The following RFPL1 variants were observed in gnomAD, a reference collection of about 807,000 sequenced individuals.
RFPL1 encodes ret finger protein like 1.
In RFPL1, 6 loss-of-function variants were observed where a neutral mutation model predicts 9.6. The ratio of observed to expected loss-of-function variants is 0.62; its 90% CI spans 0.34 to 1.23. The LOEUF (loss-of-function observed/expected upper bound fraction) is 1.23. Ranked by LOEUF, RFPL1 falls within the 50% of genes most tolerant of loss-of-function variation. The pLI is 0.03. For missense variants in RFPL1, 352 were observed against 398.4 expected (o/e 0.88, Z 0.99); for synonymous variants, 145 against 149.4 (o/e 0.97, Z 0.22).
At chr22:29,441,327 A>G in intron 1 of RFPL1, 1 of 568,972 alleles carries the variant, frequency 1.8e-6, no homozygotes, top group East Asian at 2.9e-5. Flanking sequence ...AAAGTAAAAT[A>G]ATTGCTACTG....
At chr22:29,428,333 T>C in the RFPL1 span, among the ~76,000 whole-genome samples, 1 of 152,138 alleles carries the variant, frequency 6.6e-6, no homozygotes, top group South Asian at 2.1e-4. Flanking sequence ...TAAATATATA[T>C]GCACCTAACT....
chr22:29,414,627 C>G, the RFPL1 span, among the ~76,000 whole-genome samples: 6 of 152,084 alleles, frequency 3.9e-5, no homozygotes, highest in South Asian at 1.2e-3. Context: ...GAGGAACTAT[C>G]TATCATCCTG....
chr22:29,398,347 G>T, the RFPL1 span, among the ~76,000 whole-genome samples: 1 of 152,248 alleles, frequency 6.6e-6, no homozygotes, highest in African/African-American at 2.4e-5. Flanking sequence ...TGGTGATGAT[G>T]ATGGCGGTGC....
chr22:29,438,870 G>T, exon 1 of RFPL1: 1 of 1,613,898 alleles, frequency 6.2e-7, no homozygotes, highest in South Asian at 1.1e-5. Context: ...TTTTCCCCTG[G>T]CAGTGGACAT....
the RFPL1 span, among the ~76,000 whole-genome samples, chr22:29,430,605 T>G: frequency 6.6e-6 from 1 of 152,140 alleles, no homozygotes; most frequent in Non-Finnish European, 1.5e-5. Context: ...AAACCAAACT[T>G]CTAAATGTGC....
the RFPL1 span, among the ~76,000 whole-genome samples, chr22:29,393,540 C>G: frequency 1.3e-5 from 2 of 152,196 alleles, no homozygotes; most frequent in Non-Finnish European, 2.9e-5. Flanking sequence ...GTCATCCACA[C>G]CATCAAATGC....
the RFPL1 span, among the ~76,000 whole-genome samples, chr22:29,393,809 C>T: frequency 3.3e-5 from 5 of 152,074 alleles, no homozygotes; most frequent in African/African-American, 1.2e-4. Context: ...GAGTCTCACT[C>T]TTTTTGCCCA....
the RFPL1 span, among the ~76,000 whole-genome samples, chr22:29,429,589 A>G: frequency 2.6e-5 from 4 of 152,238 alleles, no homozygotes; most frequent in Non-Finnish European, 5.9e-5. Flanking sequence ...TCCTGGGCAC[A>G]TATAACCTAC....
At chr22:29,438,620 A>G (rs2062820787) in exon 1 of RFPL1, 1 of 1,447,784 alleles carries the variant, frequency 6.9e-7, no homozygotes, top group South Asian at 1.5e-5. Context: ...CTGGGTCACC[A>G]GTAGAATGGA....
chr22:29,432,271 A>G, the RFPL1 span, among the ~76,000 whole-genome samples: 13 of 152,226 alleles, frequency 8.5e-5, no homozygotes, highest in Admixed American at 6.5e-5. Flanking sequence ...CTATGTCCAC[A>G]GTTCCCAGGA....
the RFPL1 span, among the ~76,000 whole-genome samples, chr22:29,430,009 A>G: frequency 1.4e-5 from 2 of 146,788 alleles, no homozygotes; most frequent in Admixed American, 1.4e-4. Flanking sequence ...TGAGGTTATC[A>G]GAAACAATGT....
intron 1 of RFPL1, chr22:29,441,230 A>G: frequency 2.6e-6 from 1 of 385,474 alleles, no homozygotes; most frequent in Non-Finnish European, 4.7e-6. Flanking sequence ...TCATGCATCA[A>G]GGTGGTAGAA....
chr22:29,426,877 C>T, the RFPL1 span, among the ~76,000 whole-genome samples: 2 of 152,160 alleles, frequency 1.3e-5, no homozygotes, highest in Admixed American at 1.3e-4. Flanking sequence ...AGTCTTGGGA[C>T]AGCACCCAGG....
chr22:29,395,531 A>G, the RFPL1 span, among the ~76,000 whole-genome samples: 7 of 151,694 alleles, frequency 4.6e-5, no homozygotes, highest in African/African-American at 1.7e-4. Context: ...TCCTTGCTGC[A>G]GATGTCCTCA....
At chr22:29,417,602 G>A in the RFPL1 span, among the ~76,000 whole-genome samples, 1 of 150,532 alleles carries the variant, frequency 6.6e-6, no homozygotes, top group Non-Finnish European at 1.5e-5. Flanking sequence ...CATAAACCAT[G>A]TGACTCTTAG....
the RFPL1 span, among the ~76,000 whole-genome samples, chr22:29,420,917 A>ACCGT: frequency 1.3e-5 from 2 of 152,100 alleles, no homozygotes; most frequent in Non-Finnish European, 2.9e-5. Flanking sequence ...CTGGGATTAC[A>ACCGT]GGCGTGATCC....
chr22:29,396,289 G>A, the RFPL1 span, among the ~76,000 whole-genome samples: 15,869 of 152,138 alleles, frequency 0.1, 1,849 homozygotes, highest in African/African-American at 0.29. Context: ...TCTCATGAGT[G>A]GATTAATGCC....
upstream of RFPL1, chr22:29,436,625 G>C (rs1473101392): frequency 1.3e-5 from 2 of 149,490 alleles, no homozygotes; most frequent in African/African-American, 4.9e-5. Flanking sequence ...AGAAAGAAAT[G>C]TTTAGAGTGT....
upstream of RFPL1, chr22:29,434,979 T>C (rs2146363409): frequency 6.6e-6 from 1 of 152,364 alleles, no homozygotes; most frequent in Middle Eastern, 3.4e-3. Context: ...TTGACAAATC[T>C]ACAGTTTCTC....
Sources: allele counts gnomAD v4.1 joint callset (sites outside exome capture counted in the v4.1 genomes callset), GRCh38; gene constraint gnomAD v4.1.1; transcripts MANE v1.5; gene names NCBI Gene and HGNC (gene_info 2026-07-23, HGNC 2026-07-21).